THSD7B: variants seen among roughly 807,000 people sequenced by gnomAD.
THSD7B encodes thrombospondin type-1 domain-containing protein 7B.
In THSD7B, 138 loss-of-function variants were observed where a neutral mutation model predicts 213.6. That is an observed-to-expected ratio of 0.65 (90% CI 0.56 to 0.74). THSD7B has a LOEUF of 0.74. Ranked by LOEUF, THSD7B falls within the 30% of genes least tolerant of loss-of-function variation. The pLI, the probability that THSD7B is intolerant of heterozygous loss-of-function variation, is 0.00. For synonymous variants in THSD7B, 742 were observed against 687.0 expected (o/e 1.08, Z -1.25); for missense variants, 1,931 against 1,991.5 (o/e 0.97, Z 0.58).
intron 17 of THSD7B, among the ~76,000 whole-genome samples, chr2:137,615,921 C>T (rs530691972): frequency 3.5e-4 from 53 of 151,984 alleles, no homozygotes; most frequent in African/African-American, 1.1e-3. Flanking sequence ...AAATAGTCTC[C>T]GTGTGCTTAA....
chr2:137,007,423 A>T (rs1394075596), intron 2 of THSD7B, among the ~76,000 whole-genome samples: 1 of 152,198 alleles, frequency 6.6e-6, no homozygotes, highest in Admixed American at 6.5e-5. Context: ...ACTAATAGAG[A>T]TAGATGGCCA....
intron 2 of THSD7B, among the ~76,000 whole-genome samples, chr2:136,985,213 G>C (rs1685650204): frequency 6.6e-6 from 1 of 152,190 alleles, no homozygotes; most frequent in African/African-American, 2.4e-5. Context: ...TAGCAGGATT[G>C]GAAGGGAGCC....
intron 2 of THSD7B, among the ~76,000 whole-genome samples, chr2:136,897,338 G>A (rs1683977964): frequency 6.6e-6 from 1 of 152,000 alleles, no homozygotes. Context: ...GATGTATCCG[G>A]AGTTTCTTCC....
chr2:136,903,195 TG>T (rs776933630), intron 2 of THSD7B, among the ~76,000 whole-genome samples: 83 of 152,272 alleles, frequency 5.5e-4, no homozygotes, highest in Non-Finnish European at 9.1e-4. Flanking sequence ...AGATAATATA[TG>T]AAAACACAGC....
intron 12 of THSD7B, among the ~76,000 whole-genome samples, chr2:137,347,495 G>A (rs1287172717): frequency 1.3e-5 from 2 of 151,526 alleles, no homozygotes; most frequent in Non-Finnish European, 3.0e-5. Flanking sequence ...CAAGCACTGG[G>A]AACGGAGACA....
At chr2:137,011,051 AT>A (rs1445897381) in intron 2 of THSD7B, among the ~76,000 whole-genome samples, 1 of 152,092 alleles carries the variant, frequency 6.6e-6, no homozygotes, top group Non-Finnish European at 1.5e-5. Context: ...TTGTTCTTTG[AT>A]TTATCTTCCT....
chr2:137,128,035 C>T (rs1481804269), intron 5 of THSD7B, among the ~76,000 whole-genome samples: 2 of 152,070 alleles, frequency 1.3e-5, no homozygotes, highest in African/African-American at 4.8e-5. Flanking sequence ...TGAAGAAAAT[C>T]TATGTAAATG....
intron 15 of THSD7B, among the ~76,000 whole-genome samples, chr2:137,507,749 T>C (rs1679870234): frequency 6.6e-6 from 1 of 152,084 alleles, no homozygotes; most frequent in South Asian, 2.1e-4. Context: ...CTTCTTTCCC[T>C]CTCCCTCCCT....
intron 2 of THSD7B, among the ~76,000 whole-genome samples, chr2:137,030,268 C>T (rs891790880): frequency 5.3e-5 from 8 of 152,124 alleles, no homozygotes; most frequent in African/African-American, 1.7e-4. Flanking sequence ...CTTAGGAAAA[C>T]ATTTTTTAAT....
Position 136,912,195 on chromosome 2 carries a change from G to A in THSD7B, c.139+29878G>A, listed in dbSNP as rs117131909. ...AAATTAGCCGGGTGTGCTGGTGGGCGCCCATAATCCCAGCTAGTCATGAGG... is the reference window on the plus strand; with the variant it reads ...AAATTAGCCGGGTGTGCTGGTGGGCACCCATAATCCCAGCTAGTCATGAGG... On this transcript the variant is annotated intron_variant, in intron 2 of 27. Transcript: ENST00000409968. 1.8e-3 allele frequency among the ~76,000 whole-genome samples: 279 copies of A among 151,802 alleles called. 4 individuals carry two copies. The East Asian group carries it at 0.046, about 25-fold the overall frequency.
At chr2:137,488,866 A>G (rs1276579299) in intron 15 of THSD7B, among the ~76,000 whole-genome samples, 1 of 152,150 alleles carries the variant, frequency 6.6e-6, no homozygotes, top group East Asian at 1.9e-4. Context: ...AGAGTATATG[A>G]CTTTCCCAGC....
At chr2:136,977,555 G>A (rs1007513754) in intron 2 of THSD7B, among the ~76,000 whole-genome samples, 1 of 151,990 alleles carries the variant, frequency 6.6e-6, no homozygotes, top group South Asian at 2.1e-4. Context: ...TGATGTTAAG[G>A]AGGTTGATTT....
chr2:136,816,600 A>G (rs1682478560), intron 1 of THSD7B, among the ~76,000 whole-genome samples: 2 of 152,136 alleles, frequency 1.3e-5, no homozygotes. Context: ...CCTTGGTTAC[A>G]TTTCTGGTAA....
intron 12 of THSD7B, among the ~76,000 whole-genome samples, chr2:137,283,448 G>A (rs1301201599): frequency 6.6e-6 from 1 of 152,098 alleles, no homozygotes; most frequent in Non-Finnish European, 1.5e-5. Context: ...GAATAGGAGT[G>A]GTGAGAGAGG....
intron 2 of THSD7B, among the ~76,000 whole-genome samples, chr2:137,032,048 C>A (rs1000397606): frequency 1.3e-5 from 2 of 151,932 alleles, no homozygotes; most frequent in Non-Finnish European, 2.9e-5. Context: ...GCCATGTTAC[C>A]CAGACTGGTC....
At chr2:137,028,547 G>A (rs1686597549) in intron 2 of THSD7B, among the ~76,000 whole-genome samples, 2 of 152,204 alleles carry the variant, frequency 1.3e-5, no homozygotes, top group South Asian at 2.1e-4. Flanking sequence ...TTTAGTAAAT[G>A]TTTATTTAAC....
intron 2 of THSD7B, among the ~76,000 whole-genome samples, chr2:136,902,493 A>G (rs560092347): frequency 1.1e-4 from 17 of 152,298 alleles, no homozygotes; most frequent in Non-Finnish European, 1.5e-4. Context: ...AGCAGCAGAG[A>G]TGGAACTGGG....
chr2:137,435,800 A>C (rs1311531824), intron 14 of THSD7B, among the ~76,000 whole-genome samples: 1 of 152,188 alleles, frequency 6.6e-6, no homozygotes, highest in Non-Finnish European at 1.5e-5. Flanking sequence ...GGAAATGCAC[A>C]GTAGCTCCTG....
intron 7 of THSD7B, among the ~76,000 whole-genome samples, chr2:137,193,431 T>G (rs2105016756): frequency 6.6e-6 from 1 of 152,344 alleles, no homozygotes; most frequent in Middle Eastern, 3.4e-3. Flanking sequence ...TTACTTGTGG[T>G]GAGAACATCT....
Sources: gnomAD v4.1 joint callset for allele counts (sites outside exome capture counted in the v4.1 genomes callset) on GRCh38, gnomAD v4.1.1 for gene constraint, MANE v1.5 for transcripts, NCBI Gene and HGNC (gene_info 2026-07-23, HGNC 2026-07-21) for gene names.